The following KCMF1 variants were observed in gnomAD, a reference collection of about 807,000 sequenced individuals.
KCMF1 encodes the protein E3 ubiquitin-protein ligase KCMF1.
Under a neutral mutation model 41.1 loss-of-function variants are expected in KCMF1, and 3 were observed. That is an observed-to-expected ratio of 0.07 (90% CI 0.03 to 0.19). The LOEUF is 0.19. Ranked by LOEUF, KCMF1 falls within the 10% of genes least tolerant of loss-of-function variation. The pLI is 1.00. For synonymous variants in KCMF1, 142 were observed against 164.5 expected (o/e 0.86, Z 1.04); for missense variants, 286 against 488.9 (o/e 0.58, Z 3.91).
chr2:85,024,756 G>A (rs1675052935), intron 1 of KCMF1, among the ~76,000 whole-genome samples: 2 of 152,124 alleles, frequency 1.3e-5, no homozygotes, highest in African/African-American at 2.4e-5. Flanking sequence ...TGTGTGTATA[G>A]GATATGGGGA....
chr2:85,023,548 A>G (rs1306883938), intron 1 of KCMF1, among the ~76,000 whole-genome samples: 2 of 145,738 alleles, frequency 1.4e-5, no homozygotes, highest in African/African-American at 2.5e-5. Flanking sequence ...GTGTCGATCT[A>G]CTGACCTTGT....
intron 4 of KCMF1, among the ~76,000 whole-genome samples, chr2:85,044,795 G>C (rs751136364): frequency 1.3e-5 from 2 of 152,218 alleles, no homozygotes; most frequent in Non-Finnish European, 2.9e-5. Flanking sequence ...CTGGGATTCA[G>C]GCGTGAGCCA....
intron 1 of KCMF1, among the ~76,000 whole-genome samples, chr2:85,000,094 G>A (rs144940247): frequency 2.3e-3 from 347 of 151,848 alleles, no homozygotes; most frequent in Non-Finnish European, 4.1e-3. Flanking sequence ...TTACAACATA[G>A]ATTTCTACCT....
intron 1 of KCMF1, among the ~76,000 whole-genome samples, chr2:84,978,006 CTTT>C (rs79184611): frequency 6.9e-6 from 1 of 145,896 alleles, no homozygotes; most frequent in Admixed American, 6.9e-5. Context: ...TAGCAGCAAT[CTTT>C]TTTTTTTTTT....
intron 5 of KCMF1, among the ~76,000 whole-genome samples, chr2:85,046,805 C>T (rs192370893): frequency 6.6e-6 from 1 of 152,026 alleles, no homozygotes; most frequent in Non-Finnish European, 1.5e-5. Flanking sequence ...GTCCAGTAGT[C>T]CCCCCGTCAT....
At chr2:84,995,197 T>C (rs1447799716) in intron 1 of KCMF1, among the ~76,000 whole-genome samples, 1 of 152,070 alleles carries the variant, frequency 6.6e-6, no homozygotes, top group Non-Finnish European at 1.5e-5. Flanking sequence ...AATTTTCATA[T>C]TTTTAGTGGA....
At chr2:85,004,825 C>CTATT (rs555917547) in intron 1 of KCMF1, among the ~76,000 whole-genome samples, 2,511 of 151,766 alleles carry the variant, frequency 0.017, 57 homozygotes, top group African/African-American at 0.056. Flanking sequence ...GACTGTAGGC[C>CTATT]TATTTATTTA....
chr2:85,057,425 G>A lies in KCMF1; in HGVS notation c.*4016G>A, dbSNP rs1675961761. On this transcript the variant is annotated 3_prime_UTR_variant, in exon 7 of 7. Coordinates refer to ENST00000409785, the MANE Select transcript of KCMF1 (RefSeq NM_020122.5). ...CAACAGTAATTGAAACCCTATGCCT[G>A]GCCTGGAGTGGGTAGAGGTTAGGGT... 6.6e-6 allele frequency: 1 copy of A among 152,168 alleles called. No homozygotes were observed. The allele number at this position is 152,168 out of a possible 1,614,324, so 9.4% of individuals were successfully genotyped here.
chr2:84,974,693 T>TATATATA (rs1559123127), intron 1 of KCMF1, among the ~76,000 whole-genome samples: 2 of 24,776 alleles, frequency 8.1e-5, no homozygotes, highest in Non-Finnish European at 1.6e-4. Flanking sequence ...ATATATATAT[T>TATATATA]TTTTTTTTTT....
chr2:85,023,857 T>C (rs1675017263), intron 1 of KCMF1, among the ~76,000 whole-genome samples: 1 of 152,228 alleles, frequency 6.6e-6, no homozygotes, highest in Admixed American at 6.5e-5. Flanking sequence ...GCCCTTTATC[T>C]TCACTAACAC....
chr2:85,022,704 A>G (rs1360907353), intron 1 of KCMF1, among the ~76,000 whole-genome samples: 1 of 152,172 alleles, frequency 6.6e-6, no homozygotes, highest in Non-Finnish European at 1.5e-5. Context: ...TCTTGGCCAG[A>G]TGTAAAAACG....
At chr2:84,976,640 A>C (rs556387935) in intron 1 of KCMF1, among the ~76,000 whole-genome samples, 1 of 143,148 alleles carries the variant, frequency 7.0e-6, no homozygotes, top group Admixed American at 6.7e-5. Flanking sequence ...AAAAAAAAAA[A>C]ACAAAAAAAA....
At chr2:85,011,836 C>T (rs910655740) in intron 1 of KCMF1, among the ~76,000 whole-genome samples, 2 of 152,152 alleles carry the variant, frequency 1.3e-5, no homozygotes, top group African/African-American at 4.8e-5. Context: ...GGGGGCTGTC[C>T]TGTGTTTTGT....
chr2:84,979,522 T>TA (rs11406108), intron 1 of KCMF1, among the ~76,000 whole-genome samples: 120,670 of 141,718 alleles, frequency 0.85, 52,115 homozygotes, highest in East Asian at 0.99. Flanking sequence ...AAATTCTGTC[T>TA]AAAAAAAAAA....
chr2:84,971,531 CGCGGCGGAGGGCGGCCGGGAA>C (rs1002145722), intron 1 of KCMF1, 64 bp downstream of exon 1: 60 of 991,496 alleles, frequency 6.1e-5, no homozygotes, highest in Non-Finnish European at 7.1e-5. Flanking sequence ...CCGGGCCGGG[CGCGGCGGAGGGCGGCCGGGAA>C]GCGGCGGAGA....
At chr2:85,024,107 C>G (rs1016021915) in intron 1 of KCMF1, among the ~76,000 whole-genome samples, 2 of 152,178 alleles carry the variant, frequency 1.3e-5, no homozygotes, top group Admixed American at 6.5e-5. Context: ...GAATACCAAA[C>G]TTTTGTCTGT....
chr2:84,989,534 T>G (rs185151815), intron 1 of KCMF1, among the ~76,000 whole-genome samples: 1 of 152,190 alleles, frequency 6.6e-6, no homozygotes, highest in Non-Finnish European at 1.5e-5. Context: ...AGGATGGATC[T>G]GCAGGGAGGA....
chr2:85,030,911 G>A (rs776064279), intron 2 of KCMF1, among the ~76,000 whole-genome samples: 4 of 152,114 alleles, frequency 2.6e-5, no homozygotes, highest in Non-Finnish European at 4.4e-5. Context: ...TGCCCAAACT[G>A]GTATCAAACT....
At chr2:85,036,929 C>A (rs1332842622) in intron 3 of KCMF1, among the ~76,000 whole-genome samples, 2 of 151,166 alleles carry the variant, frequency 1.3e-5, no homozygotes, top group Non-Finnish European at 2.9e-5. Context: ...ATTTTCATCA[C>A]CCCTCAGGGG....
Sources: allele counts gnomAD v4.1 joint callset (sites outside exome capture counted in the v4.1 genomes callset), GRCh38; gene constraint gnomAD v4.1.1; transcripts MANE v1.5; gene names NCBI Gene and HGNC (gene_info 2026-07-23, HGNC 2026-07-21).